Variants in UST observed in about 807,000 individuals in gnomAD.
UST encodes the protein chondroitin sulfate 2-O-sulfotransferase.
A neutral mutation model predicts 45.6 loss-of-function variants in UST; 21 were observed. The ratio of observed to expected loss-of-function variants is 0.46; its 90% CI spans 0.33 to 0.66. UST has a LOEUF of 0.66. Ranked by LOEUF, UST falls within the 30% of genes least tolerant of loss-of-function variation. The pLI, the probability that UST is intolerant of heterozygous loss-of-function variation, is 0.02. For missense variants in UST, 463 were observed against 512.4 expected (o/e 0.90, Z 0.93); for synonymous variants, 215 against 200.6 (o/e 1.07, Z -0.61).
chr6:148,899,389 G>A (rs758998206), intron 2 of UST, among the ~76,000 whole-genome samples: 2 of 152,068 alleles, frequency 1.3e-5, no homozygotes, highest in East Asian at 1.9e-4. Flanking sequence ...GTGAGCCACC[G>A]CACCCAGCCT....
chr6:149,029,000 T>C (rs1253131973), intron 7 of UST, among the ~76,000 whole-genome samples: 1 of 152,206 alleles, frequency 6.6e-6, no homozygotes, highest in African/African-American at 2.4e-5. Context: ...AATGAATTAA[T>C]AACCTTTGTC....
At chr6:148,919,439 TG>T (rs1399126862) in intron 2 of UST, among the ~76,000 whole-genome samples, 1 of 152,058 alleles carries the variant, frequency 6.6e-6, no homozygotes, top group East Asian at 1.9e-4. Context: ...TGTGTGTGTG[TG>T]TGTGTACACT....
rs67488239 is a variant in UST at position 148,907,902 on chromosome 6, CTTTTTTTTTTT to C, written c.291+20889_291+20899del. 3.6e-3 allele frequency among the ~76,000 whole-genome samples: 246 copies of C among 68,226 alleles called. 2 individuals carry two copies. The highest frequency in any genetic ancestry group is 0.014 in the African/African-American group (231 of 16,586). The allele number at this position is 68,226 out of a possible 152,430, so 44.8% of individuals were successfully genotyped here. A position where few individuals can be genotyped will look rare whatever the true frequency, so the allele number is the denominator to read the frequency against. On this transcript the variant is annotated intron_variant, in intron 2 of 7. Coordinates refer to ENST00000367463, the MANE Select transcript of UST (RefSeq NM_005715.3). ...AATTTATGTCAGGGTGTTTCCAGGG[CTTTTTTTTTTT>C]TTTTTTTTTTTTTTTGACAGAGTCT...
At chr6:148,915,877 G>C (rs1470124122) in intron 2 of UST, among the ~76,000 whole-genome samples, 1 of 152,120 alleles carries the variant, frequency 6.6e-6, no homozygotes, top group Non-Finnish European at 1.5e-5. Flanking sequence ...TTGAAGGGTG[G>C]TGTGGGGGAG....
At position 149,021,469 on chromosome 6, in the gene UST, T is replaced by C. The variant is rs1775980540; in HGVS notation, c.925T>C (p.Tyr309His). Residue 309 changes from tyrosine (Y) to histidine (H), a missense_variant, in exon 7 of 8, where the codon TAC becomes CAC. Tyr to His is a moderately conservative substitution (Grantham distance 83). Around this residue, in one of 2 missense-constraint regions of UST, gnomAD observed 287 missense variants for 374.2 expected, o/e 0.77. Coordinates refer to ENST00000367463, the MANE Select transcript of UST (RefSeq NM_005715.3). The part of the protein sequence containing the change: ...PHYFKGVLSI[Y>H]KDPEHRKLGN... The stretch of plus-strand genomic sequence containing the variant: ...TTACTTCAAGGGCGTGCTCAGTATC[T>C]ACAAAGACCCAGGTAACTTCATTTG... The C allele has an allele frequency of 6.2e-7, 1 of 1,614,146 alleles. No homozygotes were observed. Among genetic ancestry groups the C allele is most frequent in the Non-Finnish European group, 8.5e-7 (1 of 1,180,022 alleles).
chr6:148,868,916 GT>G (rs1778498025), intron 1 of UST, among the ~76,000 whole-genome samples: 1 of 152,142 alleles, frequency 6.6e-6, no homozygotes, highest in Admixed American at 6.5e-5. Context: ...TACACTTTAT[GT>G]TTGTATGCCA....
intron 3 of UST, among the ~76,000 whole-genome samples, chr6:148,947,309 C>G (rs942183113): frequency 2.6e-5 from 4 of 152,148 alleles, no homozygotes; most frequent in African/African-American, 9.7e-5. Context: ...ACTAGGCATA[C>G]ATGGGTTAAT....
intron 1 of UST, among the ~76,000 whole-genome samples, chr6:148,826,565 A>G (rs1562269377): frequency 6.6e-6 from 1 of 152,146 alleles, no homozygotes; most frequent in Non-Finnish European, 1.5e-5. Flanking sequence ...TTCTTCCTAG[A>G]TACCTAAACT....
At chr6:148,997,240 G>A (rs966303284) in intron 5 of UST, among the ~76,000 whole-genome samples, 1 of 152,142 alleles carries the variant, frequency 6.6e-6, no homozygotes, top group African/African-American at 2.4e-5. Context: ...CATAATAAAG[G>A]GGCTTGATTT....
At chr6:149,051,848 G>A (rs1003766529) in intron 7 of UST, among the ~76,000 whole-genome samples, 1 of 152,066 alleles carries the variant, frequency 6.6e-6, no homozygotes, top group Non-Finnish European at 1.5e-5. Context: ...CCTAATACAG[G>A]CAAGAAGATA....
chr6:148,874,395 A>G (rs528628820), intron 1 of UST, among the ~76,000 whole-genome samples: 2 of 152,348 alleles, frequency 1.3e-5, no homozygotes, highest in African/African-American at 4.8e-5. Flanking sequence ...TGAGCCTGAA[A>G]TAGTAAGGGA....
intron 2 of UST, among the ~76,000 whole-genome samples, chr6:148,931,736 A>T (rs978207313): frequency 6.6e-6 from 1 of 152,226 alleles, no homozygotes; most frequent in Non-Finnish European, 1.5e-5. Flanking sequence ...GTACATCCAC[A>T]TGCATAACAG....
At chr6:148,947,657 CCT>C (rs766403025) in intron 3 of UST, among the ~76,000 whole-genome samples, 8 of 152,184 alleles carry the variant, frequency 5.3e-5, no homozygotes, top group Non-Finnish European at 7.3e-5. Flanking sequence ...TCCTCATGAG[CCT>C]CTCTCTTTAT....
Position 148,949,395 on chromosome 6 carries a change from AAATAATAAT to A in UST, c.448-4445_448-4437del, listed in dbSNP as rs71007932. Among the ~76,000 whole-genome samples, 695 of 136,852 alleles carry A rather than the reference AAATAATAAT, an allele frequency of 5.1e-3. 1 individual carries two copies. Among genetic ancestry groups the A allele is most frequent in the Non-Finnish European group, 6.8e-3 (441 of 64,674 alleles). The allele number at this position is 136,852 out of a possible 152,430, so 89.8% of individuals were successfully genotyped here. The stretch of plus-strand genomic sequence containing the variant: ...CCTGGGCAGCAGAGACTTTGTCTCA[AAATAATAAT>A]AATAATAATAATAATAATAATAATA... On this transcript the variant is annotated intron_variant, in intron 3 of 7. Coordinates refer to ENST00000367463, the MANE Select transcript of UST (RefSeq NM_005715.3).
intron 1 of UST, among the ~76,000 whole-genome samples, chr6:148,870,325 G>T (rs1778526136): frequency 6.6e-6 from 1 of 152,210 alleles, no homozygotes; most frequent in Non-Finnish European, 1.5e-5. Context: ...GGGAGGGGCT[G>T]CTGAGATGAT....
At chr6:148,855,984 A>G (rs543185466) in intron 1 of UST, among the ~76,000 whole-genome samples, 1 of 152,012 alleles carries the variant, frequency 6.6e-6, no homozygotes, top group Non-Finnish European at 1.5e-5. Context: ...AACCTAGTCA[A>G]ATTGCTTACA....
intron 4 of UST, among the ~76,000 whole-genome samples, chr6:148,960,850 T>C (rs966807129): frequency 2.6e-5 from 4 of 152,250 alleles, no homozygotes; most frequent in African/African-American, 9.6e-5. Flanking sequence ...ATTGATTTAA[T>C]ATGTGCAATA....
intron 4 of UST, among the ~76,000 whole-genome samples, chr6:148,960,328 C>A (rs967155348): frequency 1.3e-5 from 2 of 152,204 alleles, no homozygotes; most frequent in African/African-American, 4.8e-5. Context: ...CCGCCTCAGC[C>A]ACTCCTCACT....
intron 1 of UST, among the ~76,000 whole-genome samples, chr6:148,815,970 T>G (rs916115784): frequency 6.6e-6 from 1 of 152,216 alleles, no homozygotes; most frequent in East Asian, 1.9e-4. Context: ...TCTGGGACAT[T>G]TCATTGCTTA....
Sources: gnomAD v4.1 joint callset for allele counts (sites outside exome capture counted in the v4.1 genomes callset) on GRCh38, gnomAD v4.1.1 for gene constraint, gnomAD v4.1.1 regional missense constraint, MANE v1.5 for transcripts, NCBI Gene and HGNC (gene_info 2026-07-23, HGNC 2026-07-21) for gene names.